Variants in AK9 observed in about 807,000 individuals in gnomAD.
AK9 encodes the protein adenylate kinase domain containing 1.
AK9 carries 191 observed loss-of-function variants against 239.6 expected under a neutral mutation model. That is an observed-to-expected ratio of 0.80 (90% CI 0.71 to 0.90). The LOEUF (loss-of-function observed/expected upper bound fraction) is 0.90, where lower values mean the gene tolerates loss of function less well. Ranked by LOEUF, AK9 falls within the 40% of genes least tolerant of loss-of-function variation. The pLI, the probability that AK9 is intolerant of heterozygous loss-of-function variation, is 0.00. For synonymous variants in AK9, 689 were observed against 721.0 expected, an observed-to-expected ratio of 0.96 and a Z score of 0.71; for missense variants, 1,995 against 2,214.7, an observed-to-expected ratio of 0.90 and a Z score of 1.99.
In AK9 at chr6:109,516,053, A is replaced by G. The variant is rs903735127; in HGVS notation, c.3869T>C (p.Ile1290Thr). The stretch of plus-strand genomic sequence containing the variant: ...AGCTCCATTAATGGAAATTATTGGT[A>G]TCAAATACCTCTCAAGTTCATCCTG... ...IIQDELERYL[I>T]PIISINGARR... Residue 1290 changes from isoleucine (I) to threonine (T), a missense_variant, in exon 31 of 41, where the codon ATA (isoleucine) becomes ACA (threonine). Physicochemically the swap from Ile to Thr is moderately conservative, Grantham distance 89. Coordinates refer to ENST00000424296, the MANE Select transcript of AK9 (RefSeq NM_001145128.3). 6.5e-6 allele frequency: 10 copies of G among 1,549,776 alleles called. No homozygotes were observed. Among genetic ancestry groups the G allele is most frequent in the Non-Finnish European group, 8.7e-6 (10 of 1,145,366 alleles).
chr6:109,498,324 T>C (rs1308492905), intron 36 of AK9, among the ~76,000 whole-genome samples: 2 of 152,232 alleles, frequency 1.3e-5, no homozygotes, highest in Non-Finnish European at 2.9e-5. Context: ...CTTCTCCAGC[T>C]TCAGGTATTG....
chr6:109,647,274 A>G (rs1244863672), intron 8 of AK9, among the ~76,000 whole-genome samples: 1 of 152,252 alleles, frequency 6.6e-6, no homozygotes, highest in African/African-American at 2.4e-5. Flanking sequence ...AAATGCTCCA[A>G]TTAAAAGACA....
intron 27 of AK9, among the ~76,000 whole-genome samples, chr6:109,533,704 T>A (rs898839964): frequency 6.6e-6 from 1 of 152,182 alleles, no homozygotes; most frequent in African/African-American, 2.4e-5. Context: ...TTTACTCTTT[T>A]ATTTCTTTTA....
chr6:109,497,835 T>C lies in AK9; in HGVS notation c.5177A>G (p.Gln1726Arg). The change falls in exon 37 of 41, where the codon CAG (glutamine) becomes CGG (arginine). Residue 1726 changes from glutamine to arginine, a missense_variant. Coordinates refer to ENST00000424296, the MANE Select transcript of AK9 (RefSeq NM_001145128.3). Reference sequence around the variant, plus strand: ...CTTATAGGTCACTGGACAGTAGCCCTGGAGCTCCGCACACTTAGGGAATCG... The same window carrying C: ...CTTATAGGTCACTGGACAGTAGCCCCGGAGCTCCGCACACTTAGGGAATCG... The part of the protein sequence containing the change: ...KSRFPKCAEL[Q>R]GYCPVTYKDG... The C allele has an allele frequency of 6.2e-7, 1 of 1,613,962 alleles. No homozygotes were observed. Among genetic ancestry groups the C allele is most frequent in the Non-Finnish European group, 8.5e-7 (1 of 1,179,868 alleles).
At chr6:109,514,165 C>G in intron 32 of AK9, 59 bp downstream of exon 32, 2 of 1,451,876 alleles carry the variant, frequency 1.4e-6, no homozygotes, top group Non-Finnish European at 1.9e-6. Flanking sequence ...CTGCCATGTG[C>G]ATTGGGTACA....
At position 109,506,489 on chromosome 6, in the gene AK9, G is replaced by A. The variant is rs772638481; in HGVS notation, c.4687C>T (p.Arg1563Cys). The A allele has an allele frequency of 1.4e-5, 22 of 1,612,322 alleles. No individual in the cohort carries two copies. Among genetic ancestry groups the A allele is most frequent in the African/African-American group, 8.0e-5 (6 of 74,862 alleles). The part of the protein sequence containing the change: ...QIVAVNNVKY[R>C]KNIGEIRQYY... Reference sequence around the variant, plus strand: ...TGCCTAATCTCACCAATATTTTTGCGATACTTTACATTATTGACAGCTACA... The same window carrying A: ...TGCCTAATCTCACCAATATTTTTGCAATACTTTACATTATTGACAGCTACA... Residue 1563 changes from arginine (R) to cysteine (C), a missense_variant, in exon 35 of 41, where the codon CGC becomes TGC. Physicochemically the swap from Arg to Cys is radical, Grantham distance 180. This residue lies in a region of AK9 where 391 missense variants were observed against 456.0 expected (regional missense o/e 0.86). Coordinates refer to ENST00000424296, the MANE Select transcript of AK9 (RefSeq NM_001145128.3).
intron 17 of AK9, among the ~76,000 whole-genome samples, chr6:109,589,794 A>T (rs1158550081): frequency 6.6e-6 from 1 of 152,156 alleles, no homozygotes; most frequent in Non-Finnish European, 1.5e-5. Flanking sequence ...ATTTTATTGA[A>T]TGCTCTTCCT....
At chr6:109,498,037 G>A (rs548595501) in intron 36 of AK9, 72 bp from the exon 37 acceptor site, 1 of 1,483,338 alleles carries the variant, frequency 6.7e-7, no homozygotes, top group Non-Finnish European at 9.3e-7. Context: ...GGCCACCGAG[G>A]CTCTCCTGCA....
intron 10 of AK9, among the ~76,000 whole-genome samples, chr6:109,637,478 C>T (rs1442119711): frequency 6.6e-6 from 1 of 152,160 alleles, no homozygotes; most frequent in East Asian, 1.9e-4. Context: ...ACTAGGATTA[C>T]AGGCATAAGC....
At chr6:109,598,793 G>A (rs1381068011) in intron 17 of AK9, among the ~76,000 whole-genome samples, 3 of 152,208 alleles carry the variant, frequency 2.0e-5, no homozygotes, top group East Asian at 3.8e-4. Flanking sequence ...GTATCTCATT[G>A]TGGTTTTGAT....
chr6:109,632,022 G>A (rs1024386686), intron 12 of AK9: 5 of 326,674 alleles, frequency 1.5e-5, no homozygotes, highest in African/African-American at 1.1e-4. Flanking sequence ...CCTTTGTGTG[G>A]AGAGTGAGGA....
chr6:109,632,131 C>T, intron 12 of AK9: 1 of 984,150 alleles, frequency 1.0e-6, no homozygotes, highest in Non-Finnish European at 1.2e-6. Context: ...TTTGCGGTAA[C>T]TCAGTGGGCT....
intron 8 of AK9, among the ~76,000 whole-genome samples, chr6:109,645,739 T>C (rs1318216925): frequency 6.6e-6 from 1 of 152,224 alleles, no homozygotes; most frequent in Non-Finnish European, 1.5e-5. Context: ...GCTCTGAGAA[T>C]GGAGAGACTG....
At chr6:109,495,220 G>T in intron 39 of AK9, 118 bp downstream of exon 39, 2 of 807,364 alleles carry the variant, frequency 2.5e-6, no homozygotes, top group Non-Finnish European at 3.8e-6. Context: ...AGAATTTGCA[G>T]CTTAAAATCA....
chr6:109,515,815 T>C, intron 31 of AK9, 42 bp downstream of exon 31: 1 of 1,471,004 alleles, frequency 6.8e-7, no homozygotes. Flanking sequence ...TTGAAAAAAA[T>C]AAATAAGGAA....
chr6:109,689,461 GGTAGACT>G (rs923379532), intron 1 of AK9, among the ~76,000 whole-genome samples: 1 of 152,202 alleles, frequency 6.6e-6, no homozygotes, highest in Admixed American at 6.5e-5. Context: ...CTGAACACAG[GGTAGACT>G]GGAAGTTCTA....
chr6:109,534,328 T>C (rs1315357164), intron 27 of AK9, among the ~76,000 whole-genome samples: 2 of 150,120 alleles, frequency 1.3e-5, no homozygotes, highest in African/African-American at 4.8e-5. Flanking sequence ...TTATTTTAAT[T>C]AGAGAGCACT....
intron 20 of AK9, among the ~76,000 whole-genome samples, chr6:109,574,160 A>G (rs1787777221): frequency 6.6e-6 from 1 of 152,224 alleles, no homozygotes; most frequent in East Asian, 1.9e-4. Flanking sequence ...TCTTACAGCT[A>G]ACTAAAAATA....
At chr6:109,535,530 G>C (rs1490298740) in intron 27 of AK9, among the ~76,000 whole-genome samples, 2 of 152,058 alleles carry the variant, frequency 1.3e-5, no homozygotes, top group Non-Finnish European at 2.9e-5. Context: ...AAGTAGATTG[G>C]AAAAATTTTC....
Sources: gnomAD v4.1 joint callset for allele counts (sites outside exome capture counted in the v4.1 genomes callset) on GRCh38, gnomAD v4.1.1 for gene constraint, gnomAD v4.1.1 regional missense constraint, MANE v1.5 for transcripts, NCBI Gene and HGNC (gene_info 2026-07-23, HGNC 2026-07-21) for gene names.